Variants in DCTN4 observed in about 807,000 individuals in gnomAD.
DCTN4 encodes dynactin 4 (p62).
DCTN4 carries 23 observed loss-of-function variants against 62.7 expected under a neutral mutation model. The ratio of observed to expected loss-of-function variants is 0.37; its 90% CI spans 0.26 to 0.52. The LOEUF (loss-of-function observed/expected upper bound fraction) is 0.52. Ranked by LOEUF, DCTN4 falls within the 20% of genes least tolerant of loss-of-function variation. The probability of loss-of-function intolerance (pLI) is 0.92; values close to 1 mark genes in which losing one functional copy is unlikely to be tolerated. For missense variants in DCTN4, 514 were observed against 580.4 expected (o/e 0.89, Z 1.18); for synonymous variants, 199 against 202.1 (o/e 0.98, Z 0.13).
chr5:150,751,144 C>T (rs1056584043), intron 3 of DCTN4, among the ~76,000 whole-genome samples: 11 of 152,088 alleles, frequency 7.2e-5, no homozygotes, highest in Non-Finnish European at 1.6e-4. Context: ...ATTTGGGAGA[C>T]ATAATAATCT....
chr5:150,755,903 T>C (rs1044629053), intron 2 of DCTN4, among the ~76,000 whole-genome samples: 4 of 152,188 alleles, frequency 2.6e-5, no homozygotes, highest in Admixed American at 1.3e-4. Context: ...CTCCATACTA[T>C]CTTCACCATA....
chr5:150,738,658 T>G (rs565105082), intron 4 of DCTN4, among the ~76,000 whole-genome samples: 1 of 152,304 alleles, frequency 6.6e-6, no homozygotes, highest in East Asian at 1.9e-4. Flanking sequence ...AACATTATAC[T>G]GAACAGGGAA....
intron 11 of DCTN4, 77 bp downstream of exon 11, chr5:150,718,199 G>C (rs997468178): frequency 2.2e-6 from 2 of 910,110 alleles, no homozygotes; most frequent in African/African-American, 3.5e-5. Flanking sequence ...AGAGTGTGTG[G>C]AGTCTTTTAA....
intron 12 of DCTN4, among the ~76,000 whole-genome samples, chr5:150,715,011 A>G (rs746295480): frequency 3.3e-5 from 5 of 152,162 alleles, no homozygotes; most frequent in Admixed American, 1.3e-4. Flanking sequence ...CAAGTGAACA[A>G]TTATTTATAT....
chr5:150,713,787 T>C (rs914086315), intron 12 of DCTN4, among the ~76,000 whole-genome samples: 9 of 151,820 alleles, frequency 5.9e-5, no homozygotes, highest in African/African-American at 7.3e-5. Context: ...TTCTCTCTAA[T>C]ATCTTGTTGA....
Position 150,730,733 on chromosome 5 carries a change from G to C in DCTN4, c.732C>G (p.Thr244=), listed in dbSNP as rs1439466612. The C allele has an allele frequency of 3.7e-6, 6 of 1,613,634 alleles. No homozygotes were observed. The highest frequency in any genetic ancestry group is 4.2e-6 in the Non-Finnish European group (5 of 1,179,884). Reference sequence around the variant, plus strand: ...CAGGCTGTAACAGACGCTGCTGAAGGGTTGTTACTAGAAAGAAAGGCAGAA... The same window carrying C: ...CAGGCTGTAACAGACGCTGCTGAAGCGTTGTTACTAGAAAGAAAGGCAGAA... ...TRPVNLTEVT[T]LQQRLLQPDF... The change falls in exon 8 of 13, where the codon ACC becomes ACG. Residue 244 remains threonine (T), a synonymous_variant. Transcript: ENST00000447998.
At chr5:150,720,929 T>TC (rs934795880) in intron 9 of DCTN4, among the ~76,000 whole-genome samples, 2 of 152,224 alleles carry the variant, frequency 1.3e-5, no homozygotes, top group African/African-American at 4.8e-5. Context: ...AAGGAGTTCA[T>TC]CCCAGACTTC....
rs1384005867 is a variant in DCTN4 at position 150,753,404 on chromosome 5, C to T, written c.385+75G>A. ...TAGCTCCTATCGCCCCAACGGGTTA[C>T]AGAAATAATAATCTATGGGCAATTA... On this transcript the variant is annotated intron_variant, in intron 3 of 12. Coordinates refer to ENST00000447998, the MANE Select transcript of DCTN4 (RefSeq NM_016221.4). 4 of 1,392,520 alleles carry T rather than the reference C, an allele frequency of 2.9e-6. No homozygotes were observed. In the African/African-American group the frequency reaches 5.7e-5, roughly 20 times the overall value. 86.3% of individuals were successfully genotyped at this position (1,392,520 alleles called of 1,614,324 possible). A position where few individuals can be genotyped will look rare whatever the true frequency, so the allele number is the denominator to read the frequency against.
chr5:150,745,868 C>A (rs1359214670), intron 3 of DCTN4, among the ~76,000 whole-genome samples: 1 of 151,932 alleles, frequency 6.6e-6, no homozygotes, highest in Non-Finnish European at 1.5e-5. Context: ...ACCCTAACAT[C>A]ACAATTAAAA....
rs200930081 is a variant in DCTN4, at chr5:150,715,567, A to G, written c.1167T>C (p.Pro389=). 1 of 1,613,612 alleles carries G rather than the reference A, an allele frequency of 6.2e-7. No individual in the cohort carries two copies. The highest frequency in any genetic ancestry group is 8.5e-7 in the Non-Finnish European group (1 of 1,179,574). ...LAEPQDFQDD[P]DIIAFRKANK... is the part of the protein sequence containing the mutation. ...GGGATCACAAAAAGATCACTCACTC[A>G]GGATCGTCCTGAAAGTCTTGAGGTT... Residue 389 remains proline (P), a splice_region_variant and synonymous_variant, in exon 12 of 13, where the codon CCT becomes CCC. Coordinates refer to ENST00000447998, the MANE Select transcript of DCTN4 (RefSeq NM_016221.4).
At chr5:150,714,311 G>A (rs1759679426) in intron 12 of DCTN4, among the ~76,000 whole-genome samples, 1 of 152,112 alleles carries the variant, frequency 6.6e-6, no homozygotes, top group Admixed American at 6.6e-5. Context: ...GGAGGAGGAA[G>A]GGTCTTGCTC....
In DCTN4 at chr5:150,758,941, T is replaced by C. The variant is rs991008178; in HGVS notation, c.53A>G (p.Lys18Arg). The C allele has an allele frequency of 6.2e-7, 1 of 1,613,964 alleles. No individual in the cohort carries two copies. Among genetic ancestry groups the C allele is most frequent in the East Asian group, 2.2e-5 (1 of 44,878 alleles). Reference sequence around the variant, plus strand: ...TTGCGAGAGCGGGGCCCGAACCTTCTTTTCTCCCTGGACTAGATAGAGAAC... The same window carrying C: ...TTGCGAGAGCGGGGCCCGAACCTTCCTTTCTCCCTGGACTAGATAGAGAAC... ...DRVLYLVQGE[K>R]KVRAPLSQLY... is the part of the protein sequence containing the mutation. The change falls in exon 1 of 13, where the codon AAG becomes AGG. Residue 18 changes from lysine to arginine, a missense_variant. By Grantham distance (26) the Lys-to-Arg change is conservative (BLOSUM62 2). Transcript: ENST00000447998.
chr5:150,757,356 T>C (rs746293606), intron 1 of DCTN4, among the ~76,000 whole-genome samples: 2 of 152,174 alleles, frequency 1.3e-5, no homozygotes, highest in African/African-American at 2.4e-5. Flanking sequence ...TTCCAAATTC[T>C]GCTTGTCCGT....
chr5:150,730,571 C>A (rs145264717), intron 8 of DCTN4, 60 bp downstream of exon 8: 2 of 1,443,206 alleles, frequency 1.4e-6, no homozygotes, highest in African/African-American at 2.8e-5. Flanking sequence ...CAGACACCAG[C>A]CACATTTATT....
At chr5:150,741,097 T>C (rs1760751646) in intron 4 of DCTN4, among the ~76,000 whole-genome samples, 1 of 147,042 alleles carries the variant, frequency 6.8e-6, no homozygotes, top group Non-Finnish European at 1.5e-5. Flanking sequence ...CCTGGGAGGT[T>C]GAGGCTGCAG....
In DCTN4 at chr5:150,756,433, T is replaced by G; in HGVS notation, c.190A>C (p.Lys64Gln). 1 of 1,600,370 alleles carries G rather than the reference T, an allele frequency of 6.2e-7. No homozygotes were observed. Among genetic ancestry groups the G allele is most frequent in the Non-Finnish European group, 8.5e-7 (1 of 1,174,392 alleles). Residue 64 changes from lysine to glutamine, a missense_variant, in exon 2 of 13, where the codon AAA (lysine) becomes CAA (glutamine). Physicochemically the swap from Lys to Gln is moderately conservative, Grantham distance 53. Coordinates refer to ENST00000447998, the MANE Select transcript of DCTN4 (RefSeq NM_016221.4). Reference protein sequence around the residue: ...CLENMPSAEAKLKKNRCANCF... With the variant: ...CLENMPSAEAQLKKNRCANCF... ...AGGTCTTACCTATTCTTTTTTAGTT[T>G]GGCTTCAGCCGATGGCATATTTTCT...
chr5:150,744,941 T>A (rs1227748688), intron 3 of DCTN4, among the ~76,000 whole-genome samples: 5 of 150,884 alleles, frequency 3.3e-5, no homozygotes, highest in African/African-American at 9.8e-5. Flanking sequence ...CACACAACAA[T>A]ATTAACTTTA....
intron 3 of DCTN4, among the ~76,000 whole-genome samples, chr5:150,747,975 A>G (rs1483771244): frequency 1.6e-4 from 23 of 144,690 alleles, no homozygotes; most frequent in South Asian, 1.1e-3. Context: ...CTGCACAGCA[A>G]AAGAAACTAC....
At chr5:150,752,599 T>G (rs1054810667) in intron 3 of DCTN4, among the ~76,000 whole-genome samples, 12 of 152,182 alleles carry the variant, frequency 7.9e-5, no homozygotes, top group Non-Finnish European at 1.5e-4. Context: ...AGCCAACACT[T>G]GATACAACCA....
Sources: allele counts gnomAD v4.1 joint callset (sites outside exome capture counted in the v4.1 genomes callset), GRCh38; gene constraint gnomAD v4.1.1; transcripts MANE v1.5; gene names NCBI Gene and HGNC (gene_info 2026-07-23, HGNC 2026-07-21).